ROBO1: variants seen among roughly 807,000 people sequenced by gnomAD.
ROBO1 encodes the protein roundabout homolog 1.
In ROBO1, 149 loss-of-function variants were observed where a neutral mutation model predicts 195.9. That is an observed-to-expected ratio of 0.76 (90% confidence interval 0.67 to 0.87). ROBO1 has a LOEUF of 0.87. Among genes scored for constraint, ROBO1 ranks in the 40% least tolerant of loss-of-function variants. The pLI is 0.00. For missense variants in ROBO1, 1,933 were observed against 2,068.3 expected, an observed-to-expected ratio of 0.93 and a Z score of 1.27; for synonymous variants, 816 against 733.2, an observed-to-expected ratio of 1.11 and a Z score of -1.82.
chr3:79,689,328 T>C (rs13082874), intron 1 of ROBO1, among the ~76,000 whole-genome samples: 42,930 of 151,952 alleles, frequency 0.28, 7,567 homozygotes, highest in East Asian at 0.53. Context: ...CGATGACTTA[T>C]TGAGAAATCT....
At chr3:79,735,857 A>C (rs142111440) in intron 1 of ROBO1, among the ~76,000 whole-genome samples, 4,903 of 142,424 alleles carry the variant, frequency 0.034, 297 homozygotes, top group African/African-American at 0.12. Flanking sequence ...GGCGACAGAG[A>C]GAGACTCCGT....
intron 2 of ROBO1, among the ~76,000 whole-genome samples, chr3:79,143,396 G>A (rs1485140078): frequency 2.6e-5 from 4 of 151,938 alleles, no homozygotes; most frequent in African/African-American, 9.7e-5. Context: ...AAACATGATA[G>A]TGAATGAAAT....
intron 2 of ROBO1, among the ~76,000 whole-genome samples, chr3:79,577,717 AACACACACACACACACACACAC>A (rs58998352): frequency 0.13 from 17,969 of 140,700 alleles, 1,215 homozygotes; most frequent in African/African-American, 0.18. Flanking sequence ...CTTTACTAAA[AACACACACACACACACACACAC>A]ACACACACAC....
chr3:79,096,622 T>C (rs1410122226), intron 3 of ROBO1, among the ~76,000 whole-genome samples: 1 of 151,490 alleles, frequency 6.6e-6, no homozygotes, highest in Non-Finnish European at 1.5e-5. Flanking sequence ...TGTGTGTGTG[T>C]GTATGTGCAT....
At chr3:78,865,472 C>CCT (rs796399864) in intron 4 of ROBO1, among the ~76,000 whole-genome samples, 1 of 126,904 alleles carries the variant, frequency 7.9e-6, no homozygotes, top group African/African-American at 3.0e-5. Flanking sequence ...TTGATGAACG[C>CCT]TTTTTTTTTT....
At chr3:78,681,116 A>T (rs909231518) in intron 10 of ROBO1, among the ~76,000 whole-genome samples, 2 of 150,240 alleles carry the variant, frequency 1.3e-5, no homozygotes, top group Non-Finnish European at 3.0e-5. Context: ...TCTCACTCAC[A>T]GGTGGGAATT....
At chr3:78,647,268 T>C (rs912214906) in intron 20 of ROBO1, among the ~76,000 whole-genome samples, 1 of 152,034 alleles carries the variant, frequency 6.6e-6, no homozygotes, top group Non-Finnish European at 1.5e-5. Context: ...GAAATTTTTG[T>C]TGGAAAACTT....
chr3:79,588,268 T>G (rs12714483), intron 2 of ROBO1, among the ~76,000 whole-genome samples: 25,328 of 151,664 alleles, frequency 0.17, 3,315 homozygotes, highest in African/African-American at 0.36. Flanking sequence ...TGCAATATCC[T>G]TTTGAATAAA....
At chr3:78,733,182 T>C (rs2082320423) in intron 5 of ROBO1, among the ~76,000 whole-genome samples, 1 of 152,134 alleles carries the variant, frequency 6.6e-6, no homozygotes, top group African/African-American at 2.4e-5. Context: ...ATAAAAGTGA[T>C]AATGTGGGCA....
intron 2 of ROBO1, among the ~76,000 whole-genome samples, chr3:79,450,424 G>A (rs2039404303): frequency 6.6e-6 from 1 of 151,720 alleles, no homozygotes; most frequent in Non-Finnish European, 1.5e-5. Flanking sequence ...ATACTGAGAG[G>A]TGAAGACAAG....
intron 3 of ROBO1, among the ~76,000 whole-genome samples, chr3:79,108,626 AT>A (rs1239179215): frequency 6.6e-6 from 1 of 151,850 alleles, no homozygotes; most frequent in East Asian, 1.9e-4. Flanking sequence ...ATAGGTTAAA[AT>A]TTAAAGAAAC....
At chr3:78,999,415 C>G (rs1341296929) in intron 3 of ROBO1, among the ~76,000 whole-genome samples, 1 of 152,034 alleles carries the variant, frequency 6.6e-6, no homozygotes, top group Non-Finnish European at 1.5e-5. Context: ...AGCTGAAAGC[C>G]ATTATCCTAA....
At chr3:79,676,273 GA>G (rs1182475145) in intron 1 of ROBO1, among the ~76,000 whole-genome samples, 1 of 152,058 alleles carries the variant, frequency 6.6e-6, no homozygotes, top group African/African-American at 2.4e-5. Flanking sequence ...GTTGTTGAGA[GA>G]ATTAATGAAA....
At chr3:79,122,896 A>G (rs2080146415) in intron 3 of ROBO1, among the ~76,000 whole-genome samples, 2 of 151,952 alleles carry the variant, frequency 1.3e-5, no homozygotes, top group Non-Finnish European at 2.9e-5. Context: ...GTGAGGGAGA[A>G]AAGTCTCACA....
chr3:79,006,021 T>C (rs552102696), intron 3 of ROBO1, among the ~76,000 whole-genome samples: 1 of 152,208 alleles, frequency 6.6e-6, no homozygotes, highest in Non-Finnish European at 1.5e-5. Flanking sequence ...ATGTAATTCA[T>C]ATGCAACACA....
chr3:78,995,774 A>T (rs1488525996), intron 3 of ROBO1, among the ~76,000 whole-genome samples: 1 of 151,676 alleles, frequency 6.6e-6, no homozygotes, highest in African/African-American at 2.4e-5. Flanking sequence ...TCCAAAAAAA[A>T]AAAAAGAAAA....
intron 3 of ROBO1, among the ~76,000 whole-genome samples, chr3:79,062,191 A>G (rs1435317242): frequency 6.6e-6 from 1 of 152,206 alleles, no homozygotes; most frequent in African/African-American, 2.4e-5. Flanking sequence ...GGCAAATGAT[A>G]TGAACACACA....
intron 8 of ROBO1, among the ~76,000 whole-genome samples, chr3:78,700,018 A>G (rs1383264735): frequency 6.6e-6 from 1 of 152,172 alleles, no homozygotes; most frequent in Non-Finnish European, 1.5e-5. Context: ...ATACATTTGT[A>G]TGTTTTATGT....
At chr3:78,725,943 T>G (rs1163534015) in intron 5 of ROBO1, among the ~76,000 whole-genome samples, 1 of 152,056 alleles carries the variant, frequency 6.6e-6, no homozygotes, top group East Asian at 1.9e-4. Context: ...AATTTTTTTT[T>G]TTTTTCAGAC....
Sources: allele counts gnomAD v4.1 joint callset (sites outside exome capture counted in the v4.1 genomes callset), GRCh38; gene constraint gnomAD v4.1.1; transcripts MANE v1.5; gene names NCBI Gene and HGNC (gene_info 2026-07-23, HGNC 2026-07-21).